TRIO: variants seen among roughly 807,000 people sequenced by gnomAD.
The protein encoded by TRIO is triple functional domain protein.
Under a neutral mutation model 351.9 loss-of-function variants are expected in TRIO, and 58 were observed. That is an observed-to-expected ratio of 0.16 (90% CI 0.13 to 0.21). The LOEUF is 0.21. Ranked by LOEUF, TRIO falls within the 10% of genes least tolerant of loss-of-function variation. TRIO has a pLI of 1.00. For synonymous variants in TRIO, 1,758 were observed against 1,595.7 expected (o/e 1.10, Z -2.42); for missense variants, 3,201 against 4,027.8 (o/e 0.79, Z 5.56).
chr5:14,449,050 A>G (rs934362153), intron 34 of TRIO, among the ~76,000 whole-genome samples: 1 of 152,236 alleles, frequency 6.6e-6, no homozygotes, highest in African/African-American at 2.4e-5. Context: ...ATTTGTCCAG[A>G]GTAGAGAAAG....
intron 9 of TRIO, among the ~76,000 whole-genome samples, chr5:14,325,829 G>A (rs981221979): frequency 2.6e-5 from 4 of 152,094 alleles, no homozygotes; most frequent in Non-Finnish European, 2.9e-5. Context: ...ACTCTGCAGC[G>A]GGACTGAGGA....
intron 53 of TRIO, chr5:14,498,851 G>A (rs995574285): frequency 2.0e-5 from 12 of 602,222 alleles, no homozygotes; most frequent in Non-Finnish European, 3.1e-5. Flanking sequence ...ATGTAAAGTC[G>A]GGGGAGACAC....
intron 48 of TRIO, 182 bp downstream of exon 48, chr5:14,488,442 T>G: frequency 1.2e-6 from 1 of 843,228 alleles, no homozygotes. Context: ...TAACTACTCC[T>G]TGCTTTGTTC....
At chr5:14,189,600 C>T (rs1790337365) in intron 1 of TRIO, among the ~76,000 whole-genome samples, 2 of 152,142 alleles carry the variant, frequency 1.3e-5, no homozygotes, top group Admixed American at 6.5e-5. Flanking sequence ...ACGTGAGTGT[C>T]GTTTATTTTC....
intron 1 of TRIO, among the ~76,000 whole-genome samples, chr5:14,249,252 T>A (rs1794608544): frequency 6.6e-6 from 1 of 152,234 alleles, no homozygotes; most frequent in Non-Finnish European, 1.5e-5. Context: ...TTAGTTGATT[T>A]CTGAGTTCCA....
intron 35 of TRIO, 35 bp downstream of exon 35, chr5:14,461,346 C>T (rs753793056): frequency 2.0e-6 from 3 of 1,485,654 alleles, no homozygotes; most frequent in South Asian, 1.4e-5. Context: ...GCCGGCGTGG[C>T]GGGGCCCGCT....
chr5:14,232,668 C>T (rs1793516718), intron 1 of TRIO, among the ~76,000 whole-genome samples: 1 of 152,200 alleles, frequency 6.6e-6, no homozygotes, highest in South Asian at 2.1e-4. Flanking sequence ...GAGAGAGGCT[C>T]TAATAGCGAG....
chr5:14,424,659 A>T (rs1426362898), intron 34 of TRIO, among the ~76,000 whole-genome samples: 2 of 152,234 alleles, frequency 1.3e-5, no homozygotes, highest in Non-Finnish European at 2.9e-5. Context: ...ATCAGCTCTC[A>T]GGCTTGACCA....
At chr5:14,460,909 C>T (rs751232974) in intron 34 of TRIO, 110 bp from the exon 35 acceptor site, 20 of 1,310,158 alleles carry the variant, frequency 1.5e-5, no homozygotes, top group Non-Finnish European at 1.7e-5. Context: ...AGCCCGCTGA[C>T]GAGGCATCCA....
In TRIO at chr5:14,366,909, T is replaced by C. The variant is rs762562255; in HGVS notation, c.2804T>C (p.Ile935Thr). The change falls in exon 16 of 57, where the codon ATC becomes ACC. Residue 935 changes from isoleucine to threonine, a missense_variant. Ile to Thr is a moderately conservative substitution (Grantham distance 89). Coordinates refer to ENST00000344204, the MANE Select transcript of TRIO (RefSeq NM_007118.4). ...NGESMLNAGL[I>T]TASSLQEAEQ... ...GAGTCCATGTTAAATGCCGGACTTA[T>C]CACAGCCAGCTCGTTACAAGAGGCA... 1.2e-6 allele frequency: 2 copies of C among 1,614,182 alleles called. No individual in the cohort carries two copies. Among genetic ancestry groups the C allele is most frequent in the Admixed American group, 1.7e-5 (1 of 60,034 alleles).
Position 14,498,151 on chromosome 5 carries a change from C to T in TRIO, c.8110C>T (p.Leu2704Phe). 1 of 1,614,202 alleles carries T rather than the reference C, an allele frequency of 6.2e-7. No homozygotes were observed. The highest frequency in any genetic ancestry group is 2.2e-5 in the East Asian group (1 of 44,882). ...VTCETGETVV[L>F]RCRVCGRPKA... ...GTGTGAGACAGGGGAGACCGTTGTTCTTAGATGTCGAGTCTGTGGCCGCCC... is the reference window on the plus strand; with the variant it reads ...GTGTGAGACAGGGGAGACCGTTGTTTTTAGATGTCGAGTCTGTGGCCGCCC... The change falls in exon 52 of 57, where the codon CTT becomes TTT. Residue 2704 changes from leucine (L) to phenylalanine (F), a missense_variant. Leu to Phe is a conservative substitution (Grantham distance 22). This residue lies in a region of TRIO where 1,089 missense variants were observed against 954.9 expected (regional missense o/e 1.14). Coordinates refer to ENST00000344204, the MANE Select transcript of TRIO (RefSeq NM_007118.4).
At chr5:14,438,714 A>G (rs1264829889) in intron 34 of TRIO, among the ~76,000 whole-genome samples, 1 of 152,210 alleles carries the variant, frequency 6.6e-6, no homozygotes, top group East Asian at 1.9e-4. Flanking sequence ...TTTGCCAGTG[A>G]TTTGGACTTC....
intron 31 of TRIO, among the ~76,000 whole-genome samples, chr5:14,404,053 G>GGTGAGGGTGCAGCTT (rs1286034033): frequency 1.6e-5 from 2 of 122,026 alleles, no homozygotes; most frequent in Non-Finnish European, 3.2e-5. Context: ...TGTAGGTTGT[G>GGTGAGGGTGCAGCTT]GTGAGGGTGC....
chr5:14,339,620 G>A (rs1741751701), intron 11 of TRIO, among the ~76,000 whole-genome samples: 1 of 152,192 alleles, frequency 6.6e-6, no homozygotes, highest in South Asian at 2.1e-4. Context: ...TGGGACCAAG[G>A]AGGGATCGGG....
chr5:14,439,723 G>A (rs184004401), intron 34 of TRIO, among the ~76,000 whole-genome samples: 31 of 152,314 alleles, frequency 2.0e-4, no homozygotes, highest in African/African-American at 7.0e-4. Context: ...ACACCATCTG[G>A]ATCTATCACG....
At chr5:14,156,471 C>A (rs1270169677) in intron 1 of TRIO, among the ~76,000 whole-genome samples, 1 of 152,074 alleles carries the variant, frequency 6.6e-6, no homozygotes, top group Admixed American at 6.5e-5. Context: ...CATATGCAAA[C>A]GTGATTGAGA....
At chr5:14,381,365 TC>T in intron 21 of TRIO, 113 bp downstream of exon 21, 1 of 1,329,690 alleles carries the variant, frequency 7.5e-7, no homozygotes, top group Non-Finnish European at 9.9e-7. Flanking sequence ...AGTGGGCTGT[TC>T]CACATTAACT....
At chr5:14,183,221 T>C (rs1789901099) in intron 1 of TRIO, among the ~76,000 whole-genome samples, 1 of 152,184 alleles carries the variant, frequency 6.6e-6, no homozygotes, top group African/African-American at 2.4e-5. Context: ...GGCTTTCCCT[T>C]GCTCCCCTCC....
At chr5:14,339,535 G>T (rs1741741750) in intron 11 of TRIO, among the ~76,000 whole-genome samples, 1 of 152,192 alleles carries the variant, frequency 6.6e-6, no homozygotes, top group Admixed American at 6.5e-5. Context: ...TCTATGAAAG[G>T]CCATCTTAGT....
Sources: gnomAD v4.1 joint callset for allele counts (sites outside exome capture counted in the v4.1 genomes callset) on GRCh38, gnomAD v4.1.1 for gene constraint, gnomAD v4.1.1 regional missense constraint, MANE v1.5 for transcripts, NCBI Gene and HGNC (gene_info 2026-07-23, HGNC 2026-07-21) for gene names.